SLC6A20: variants seen among roughly 807,000 people sequenced by gnomAD.
SLC6A20 encodes the protein solute carrier family 6 member 20.
Under a neutral mutation model 64.3 loss-of-function variants are expected in SLC6A20, and 73 were observed. The ratio of observed to expected loss-of-function variants is 1.14; its 90% CI spans 0.94 to 1.38. The LOEUF (loss-of-function observed/expected upper bound fraction) is 1.38, where lower values mean the gene tolerates loss of function less well. Among genes scored for constraint, SLC6A20 ranks in the 40% most tolerant of loss-of-function variants. SLC6A20 has a pLI of 0.00. For synonymous variants in SLC6A20, 347 were observed against 329.6 expected (o/e 1.05, Z -0.57); for missense variants, 725 against 772.8 (o/e 0.94, Z 0.73).
intron 7 of SLC6A20, among the ~76,000 whole-genome samples, chr3:45,767,839 A>G (rs988988978): frequency 3.3e-5 from 5 of 152,228 alleles, no homozygotes; most frequent in Admixed American, 1.3e-4. Context: ...AAGAGCAACA[A>G]TGGAAGCCTG....
intron 3 of SLC6A20, among the ~76,000 whole-genome samples, chr3:45,776,980 A>G (rs7640009): frequency 0.031 from 4,656 of 152,266 alleles, 148 homozygotes; most frequent in East Asian, 0.1. Flanking sequence ...CAAGTGGTAA[A>G]CAGTGGTGCT....
chr3:45,768,670 G>A (rs1347963944), intron 7 of SLC6A20, among the ~76,000 whole-genome samples: 1 of 152,162 alleles, frequency 6.6e-6, no homozygotes, highest in Non-Finnish European at 1.5e-5. Flanking sequence ...ACCTACAGTG[G>A]TTGTACCCAT....
chr3:45,766,128 G>A (rs868533492), intron 7 of SLC6A20, among the ~76,000 whole-genome samples: 1 of 152,340 alleles, frequency 6.6e-6, no homozygotes, highest in Middle Eastern at 3.4e-3. Flanking sequence ...CAGGGCAGCA[G>A]GAAGCAGAAT....
rs924217837 is a variant in SLC6A20, at chr3:45,765,225, T to C, written c.1303+312A>G. On this transcript the variant is annotated intron_variant, in intron 8 of 10. Transcript: ENST00000358525. The surrounding 1 kb of genome is among the most constrained non-coding windows in gnomAD (Gnocchi z 4.2). ...GAGACTCCGTCTGAAATATATATAA[T>C]ATACTTCAATGAAAATGAACAGAAA... Among the ~76,000 whole-genome samples the C allele has an allele frequency of 6.6e-5, 10 of 152,146 alleles. No individual in the cohort carries two copies. The highest frequency in any genetic ancestry group is 1.3e-4 in the Non-Finnish European group (9 of 67,998).
chr3:45,763,368 G>A (rs1348002536), intron 8 of SLC6A20, among the ~76,000 whole-genome samples: 1 of 152,168 alleles, frequency 6.6e-6, no homozygotes, highest in Non-Finnish European at 1.5e-5. Context: ...GACGTAGTGG[G>A]CACTGTCATT....
chr3:45,771,078 T>C (rs1699854289), intron 6 of SLC6A20, 139 bp downstream of exon 6: 3 of 1,238,678 alleles, frequency 2.4e-6, no homozygotes, highest in East Asian at 5.0e-5. Flanking sequence ...CAGCAACTGG[T>C]GGTGGTGTAG....
At chr3:45,795,333 T>G (rs558348604) in intron 1 of SLC6A20, among the ~76,000 whole-genome samples, 1 of 7,140 alleles carries the variant, frequency 1.4e-4, no homozygotes, top group Non-Finnish European at 2.5e-4. Context: ...AAAATACAAT[T>G]TTTTTTTTGA....
At chr3:45,772,214 G>C in intron 5 of SLC6A20, 1 of 354,634 alleles carries the variant, frequency 2.8e-6, no homozygotes, top group Non-Finnish European at 5.1e-6. Context: ...AAAGGGGCTT[G>C]AGGTGAGGCA....
intron 9 of SLC6A20, 90 bp from the exon 10 acceptor site, chr3:45,760,112 A>G: frequency 7.8e-6 from 11 of 1,418,508 alleles, no homozygotes; most frequent in Admixed American, 4.2e-5. Context: ...ACAAAGGAAC[A>G]TTCTGTTCTA....
rs1479886475 is a variant in SLC6A20, at chr3:45,782,321, T to C, written c.122-98A>G. 3 of 1,474,560 alleles carry C rather than the reference T, an allele frequency of 2.0e-6. No individual in the cohort carries two copies. The African/African-American group carries it at 4.2e-5, about 21-fold the overall frequency. 91.3% of individuals were successfully genotyped at this position (1,474,560 alleles called of 1,614,324 possible). Reference sequence around the variant, plus strand: ...AAACATCCTTCCATCCTCCTGTCTTTCTACTTGTCCATGCATTCTCCTACC... The same window carrying C: ...AAACATCCTTCCATCCTCCTGTCTTCCTACTTGTCCATGCATTCTCCTACC... On this transcript the variant is annotated intron_variant, in intron 1 of 10. Coordinates refer to ENST00000358525, the MANE Select transcript of SLC6A20 (RefSeq NM_020208.4).
At chr3:45,791,249 A>G (rs1398649047) in intron 1 of SLC6A20, among the ~76,000 whole-genome samples, 1 of 152,184 alleles carries the variant, frequency 6.6e-6, no homozygotes, top group Admixed American at 6.5e-5. Flanking sequence ...ATTGCCTAGA[A>G]GGTTTATATT....
intron 4 of SLC6A20, 65 bp downstream of exon 4, chr3:45,775,696 A>C: frequency 6.7e-7 from 1 of 1,487,722 alleles, no homozygotes; most frequent in East Asian, 2.3e-5. Context: ...AGACAGAGGC[A>C]GCTGCCCCTT....
At chr3:45,763,179 A>G (rs1699716316) in intron 8 of SLC6A20, 107 bp from the exon 9 acceptor site, 1 of 1,508,374 alleles carries the variant, frequency 6.6e-7, no homozygotes, top group Admixed American at 1.8e-5. Flanking sequence ...ATTTTGGCTG[A>G]TTGCTTCATC....
At chr3:45,785,415 G>GA (rs1415956454) in intron 1 of SLC6A20, among the ~76,000 whole-genome samples, 2 of 152,144 alleles carry the variant, frequency 1.3e-5, no homozygotes, top group Non-Finnish European at 2.9e-5. Context: ...AAAGCAGGCA[G>GA]AAAAAAGTGA....
At position 45,770,378 on chromosome 3, in the gene SLC6A20, A is replaced by C; in HGVS notation, c.936-7T>G. 1 of 1,613,628 alleles carries C rather than the reference A, an allele frequency of 6.2e-7. No individual in the cohort carries two copies. Among genetic ancestry groups the C allele is most frequent in the East Asian group, 2.2e-5 (1 of 44,888 alleles). On this transcript the variant is annotated splice_region_variant and splice_polypyrimidine_tract_variant and intron_variant, in intron 6 of 10. Transcript: ENST00000358525. ...GGTCAGCAGCAGACTCACCCTGCAG[A>C]GCAGACCATCGGATCGACCTTCACT...
intron 10 of SLC6A20, 70 bp downstream of exon 10, chr3:45,759,787 G>GA: frequency 1.3e-6 from 2 of 1,524,198 alleles, no homozygotes; most frequent in Non-Finnish European, 1.8e-6. Flanking sequence ...CCTGGTTTCG[G>GA]AAAATGAATG....
At position 45,775,893 on chromosome 3, in the gene SLC6A20, G is replaced by C; in HGVS notation, c.450C>G (p.Tyr150Ter). 6.2e-7 allele frequency: 1 copy of C among 1,614,224 alleles called. No homozygotes were observed. Among genetic ancestry groups the C allele is most frequent in the Non-Finnish European group, 8.5e-7 (1 of 1,180,040 alleles). Residue 150 changes from tyrosine to a stop codon, truncating the protein, a stop_gained, in exon 4 of 11, where the codon TAC becomes TAG. Transcript: ENST00000358525. LOFTEE classifies it high-confidence loss of function. ...ACGGCGAGATATTGAGGGTTTTCCT[G>C]TACCAGAAGTACTGTGTGGAGGACG... ...EKASSTQYFW[Y>*]RKTLNISPSL...
intron 8 of SLC6A20, among the ~76,000 whole-genome samples, chr3:45,764,338 C>G (rs1456586578): frequency 6.6e-6 from 1 of 152,224 alleles, no homozygotes; most frequent in African/African-American, 2.4e-5. Flanking sequence ...ATGAGTGGAT[C>G]TCACAGGTAG....
At chr3:45,768,544 G>T (rs1045633627) in intron 7 of SLC6A20, among the ~76,000 whole-genome samples, 27 of 152,232 alleles carry the variant, frequency 1.8e-4, no homozygotes, top group African/African-American at 6.3e-4. Flanking sequence ...GCTGGGGTTT[G>T]TGGGCTGGGG....
Sources: gnomAD v4.1 joint callset for allele counts (sites outside exome capture counted in the v4.1 genomes callset) on GRCh38, gnomAD v4.1.1 for gene constraint, Gnocchi (gnomAD v3.1) non-coding constraint, MANE v1.5 for transcripts, NCBI Gene and HGNC (gene_info 2026-07-23, HGNC 2026-07-21) for gene names.